HELB: variants seen among roughly 807,000 people sequenced by gnomAD.
HELB encodes DNA 5'-3' helicase B.
Under a neutral mutation model 101.7 loss-of-function variants are expected in HELB, and 96 were observed. The observed-to-expected ratio is 0.94, with a 90% CI of 0.80 to 1.12. The LOEUF is 1.12. HELB is among the 50% of genes most tolerant of loss of function. The pLI is 0.00. For missense variants in HELB, 1,210 were observed against 1,291.9 expected (o/e 0.94, Z 0.97); for synonymous variants, 437 against 459.7 (o/e 0.95, Z 0.63).
At chr12:66,324,355 G>A (rs1312680036) in intron 10 of HELB, 144 bp downstream of exon 10, 1 of 651,440 alleles carries the variant, frequency 1.5e-6, no homozygotes, top group East Asian at 2.8e-5. Context: ...TGGCATCCAT[G>A]TTTATGAAGG....
intron 1 of HELB, among the ~76,000 whole-genome samples, chr12:66,303,577 G>T (rs1455157558): frequency 6.6e-6 from 1 of 152,096 alleles, no homozygotes; most frequent in African/African-American, 2.4e-5. Flanking sequence ...GGGTTGCAGT[G>T]AGCTGAGATC....
intron 11 of HELB, among the ~76,000 whole-genome samples, chr12:66,329,538 G>A (rs149175038): frequency 2.1e-3 from 321 of 152,302 alleles, no homozygotes; most frequent in African/African-American, 7.4e-3. Flanking sequence ...GAGAGGAGCA[G>A]GGCCAAGCTG....
chr12:66,302,737 A>G lies in HELB; in HGVS notation c.134A>G (p.Glu45Gly), dbSNP rs755402051. 1.2e-6 allele frequency: 2 copies of G among 1,613,988 alleles called. No homozygotes were observed. The highest frequency in any genetic ancestry group is 2.2e-5 in the South Asian group (2 of 91,076). ...EDEESVFIDA[E>G]ELCSGGVKAG... ...GAAGAGTCCGTGTTCATCGACGCCG[A>G]GGAGCTCTGCAGTGGGGGCGTAAAG... The change falls in exon 1 of 13, where the codon GAG becomes GGG. Residue 45 changes from glutamate (E) to glycine (G), a missense_variant. By Grantham distance (98) the Glu-to-Gly change is moderately conservative. Coordinates refer to ENST00000247815, the MANE Select transcript of HELB (RefSeq NM_001370285.1).
chr12:66,329,277 A>G (rs2053778042), intron 11 of HELB, among the ~76,000 whole-genome samples: 1 of 152,158 alleles, frequency 6.6e-6, no homozygotes, highest in Non-Finnish European at 1.5e-5. Context: ...ATGACATTTT[A>G]ATTTTTAATC....
intron 5 of HELB, 34 bp from the exon 6 acceptor site, chr12:66,315,208 G>T (rs766294170): frequency 6.8e-7 from 1 of 1,475,974 alleles, no homozygotes; most frequent in South Asian, 1.4e-5. Flanking sequence ...TTTTCTCAGA[G>T]TAAGTCTTGC....
At chr12:66,312,368 G>A (rs1447068215) in intron 4 of HELB, among the ~76,000 whole-genome samples, 1 of 152,176 alleles carries the variant, frequency 6.6e-6, no homozygotes, top group Admixed American at 6.5e-5. Context: ...CTAAGCAAGA[G>A]AGTGAAAGAA....
At chr12:66,318,231 G>A (rs748176144) in intron 6 of HELB, among the ~76,000 whole-genome samples, 5 of 152,132 alleles carry the variant, frequency 3.3e-5, no homozygotes, top group Non-Finnish European at 5.9e-5. Context: ...TATTATTGTG[G>A]CCTTGGGCAA....
At position 66,304,885 on chromosome 12, in the gene HELB, G is replaced by T; in HGVS notation, c.342G>T (p.Leu114Phe). Residue 114 changes from leucine (L) to phenylalanine (F), a missense_variant, in exon 2 of 13, where the codon TTG becomes TTT. This residue lies in a region of HELB where 470 missense variants were observed against 563.1 expected (regional missense o/e 0.83). Coordinates refer to ENST00000247815, the MANE Select transcript of HELB (RefSeq NM_001370285.1). ...YQVQGFPSYF[L>F]QSDMSPPNQK... ...TTCAAGGATTTCCGTCTTACTTTTT[G>T]CAGTCTGATATGTCACCACCAAATC... 6.2e-7 allele frequency: 1 copy of T among 1,614,108 alleles called. No individual in the cohort carries two copies. Among genetic ancestry groups the T allele is most frequent in the Non-Finnish European group, 8.5e-7 (1 of 1,180,004 alleles).
intron 11 of HELB, among the ~76,000 whole-genome samples, chr12:66,328,481 A>G (rs1238215253): frequency 6.6e-6 from 1 of 152,120 alleles, no homozygotes; most frequent in African/African-American, 2.4e-5. Flanking sequence ...GAGGATTTCC[A>G]GAGTCTGGGA....
chr12:66,339,441 T>G (rs951390621), downstream of HELB: 1 of 151,734 alleles, frequency 6.6e-6, no homozygotes, highest in African/African-American at 2.4e-5. Flanking sequence ...GTGCCCAACC[T>G]GGAACATTTT....
In HELB at chr12:66,324,966, C is replaced by G; in HGVS notation, c.2527-17C>G. ...ATATTTGAAGGTATGCAAAATAGTT[C>G]TTTGGTTTGGTGACAGGATGTAACT... On this transcript the variant is annotated splice_polypyrimidine_tract_variant and intron_variant, in intron 10 of 12. Transcript: ENST00000247815. 1 of 1,611,550 alleles carries G rather than the reference C, an allele frequency of 6.2e-7. No homozygotes were observed.
At chr12:66,316,815 C>A (rs915213619) in intron 6 of HELB, among the ~76,000 whole-genome samples, 1 of 151,662 alleles carries the variant, frequency 6.6e-6, no homozygotes, top group Non-Finnish European at 1.5e-5. Context: ...GTCAGGAGAT[C>A]GAGACCATCC....
chr12:66,314,993 GT>G (rs201708926), intron 5 of HELB, among the ~76,000 whole-genome samples: 1 of 147,556 alleles, frequency 6.8e-6, no homozygotes, highest in African/African-American at 2.5e-5. Flanking sequence ...TCTAAGGCCT[GT>G]TTTTTTTTTC....
chr12:66,323,609 C>A (rs953301161), intron 9 of HELB, among the ~76,000 whole-genome samples: 72 of 152,132 alleles, frequency 4.7e-4, no homozygotes, highest in African/African-American at 1.7e-3. Flanking sequence ...TGCTGTAAGA[C>A]CTCAAATAAG....
intron 11 of HELB, among the ~76,000 whole-genome samples, chr12:66,328,198 C>G (rs1220108509): frequency 6.6e-6 from 1 of 152,192 alleles, no homozygotes; most frequent in African/African-American, 2.4e-5. Context: ...ATGTTAGCCA[C>G]TAGCCACGTG....
chr12:66,316,575 A>G (rs902981067), intron 6 of HELB, among the ~76,000 whole-genome samples: 1 of 144,292 alleles, frequency 6.9e-6, no homozygotes, highest in African/African-American at 2.5e-5. Context: ...TAAAATAATA[A>G]TAATAATAAT....
chr12:66,318,032 A>G (rs1225742071), intron 6 of HELB, among the ~76,000 whole-genome samples: 2 of 152,234 alleles, frequency 1.3e-5, no homozygotes, highest in Admixed American at 6.5e-5. Flanking sequence ...ATGAGGAAGG[A>G]ATAGAAGCAA....
At chr12:66,307,201 G>A (rs2053486813) in intron 3 of HELB, among the ~76,000 whole-genome samples, 1 of 152,136 alleles carries the variant, frequency 6.6e-6, no homozygotes, top group Non-Finnish European at 1.5e-5. Flanking sequence ...CAGATGCTGA[G>A]TTTGAGAAAT....
chr12:66,318,863 G>A, intron 7 of HELB, 71 bp downstream of exon 7: 1 of 1,176,318 alleles, frequency 8.5e-7, no homozygotes, highest in Non-Finnish European at 1.2e-6. Context: ...GTTATTAAAT[G>A]ACTAGTTACA....
Sources: gnomAD v4.1 joint callset for allele counts (sites outside exome capture counted in the v4.1 genomes callset) on GRCh38, gnomAD v4.1.1 for gene constraint, gnomAD v4.1.1 regional missense constraint, MANE v1.5 for transcripts, NCBI Gene and HGNC (gene_info 2026-07-23, HGNC 2026-07-21) for gene names.